ANKS1B: variants seen among roughly 807,000 people sequenced by gnomAD.
ANKS1B encodes the protein ankyrin repeat and sterile alpha motif domain-containing protein 1B.
ANKS1B carries 36 observed loss-of-function variants against 148.3 expected under a neutral mutation model. That is an observed-to-expected ratio of 0.24 (90% confidence interval 0.19 to 0.32). The LOEUF is 0.32. ANKS1B is among the 10% of genes least tolerant of loss of function. The pLI is 1.00. For missense variants in ANKS1B, 1,157 were observed against 1,542.6 expected, an observed-to-expected ratio of 0.75 and a Z score of 4.19; for synonymous variants, 542 against 560.8, an observed-to-expected ratio of 0.97 and a Z score of 0.47.
At chr12:99,388,541 A>T in intron 12 of ANKS1B, among the ~76,000 whole-genome samples, 1 of 152,222 alleles carries the variant, frequency 6.6e-6, no homozygotes, top group Non-Finnish European at 1.5e-5. Context: ...TCAGAGGAGC[A>T]TGGGATATGT....
intron 17 of ANKS1B, among the ~76,000 whole-genome samples, chr12:98,866,998 A>G (rs1255024773): frequency 6.6e-6 from 1 of 152,242 alleles, no homozygotes; most frequent in Non-Finnish European, 1.5e-5. Context: ...TGGTCAAATG[A>G]ATAAACAAAT....
chr12:98,769,165 C>CTTTTGTTTTTTTTTTTTTTTTTT (rs2098532493), intron 25 of ANKS1B, among the ~76,000 whole-genome samples: 1 of 41,216 alleles, frequency 2.4e-5, no homozygotes, highest in South Asian at 1.8e-3. Context: ...GTCTTCTTTA[C>CTTTTGTTTTTTTTTTTTTTTTTT]TTTTTTTTTT....
Position 99,820,384 on chromosome 12 carries a change from G to A in ANKS1B, c.215+4925C>T, listed in dbSNP as rs1040522454. On this transcript the variant is annotated intron_variant, in intron 2 of 26. Transcript: ENST00000683438. The stretch of plus-strand genomic sequence containing the variant: ...TGAAGGCTTTAGATTTTATGTTGGG[G>A]GTAGGGGGACAGTTTGTGTTCAAAG... Among the ~76,000 whole-genome samples, 3 of 151,866 alleles carry A rather than the reference G, an allele frequency of 2.0e-5. No individual in the cohort carries two copies. The East Asian group carries it at 5.8e-4, about 29-fold the overall frequency.
chr12:99,339,354 C>T (rs2089513711), intron 12 of ANKS1B, among the ~76,000 whole-genome samples: 1 of 152,172 alleles, frequency 6.6e-6, no homozygotes, highest in Non-Finnish European at 1.5e-5. Flanking sequence ...TCTTCCTCTC[C>T]CAAACACACA....
chr12:99,434,511 T>C (rs1294624769), intron 11 of ANKS1B, among the ~76,000 whole-genome samples: 2 of 152,124 alleles, frequency 1.3e-5, no homozygotes, highest in African/African-American at 4.8e-5. Flanking sequence ...ATTTCAATAA[T>C]GAACATCCTT....
chr12:99,722,953 G>A (rs1163109945), intron 8 of ANKS1B, among the ~76,000 whole-genome samples: 3 of 152,238 alleles, frequency 2.0e-5, no homozygotes, highest in Non-Finnish European at 4.4e-5. Context: ...CCCGCCAAGG[G>A]AGGTGATGAG....
rs150813653 is a variant in ANKS1B at position 98,862,995 on chromosome 12, G to A, written c.2779-30859C>T. Among the ~76,000 whole-genome samples, 891 of 152,258 alleles carry A rather than the reference G, an allele frequency of 5.9e-3. 5 individuals are homozygous for A. Among genetic ancestry groups the A allele is most frequent in the Middle Eastern group, 0.02 (6 of 294 alleles). On this transcript the variant is annotated intron_variant, in intron 17 of 26. Transcript: ENST00000683438. ...TGAAAACCAACAGATCATTCTACAT[G>A]TCTCCTGACACATTTACAACAGGCA... is the stretch of plus-strand genomic sequence containing the variant.
intron 14 of ANKS1B, among the ~76,000 whole-genome samples, chr12:99,200,422 T>C (rs1037211270): frequency 6.6e-6 from 1 of 152,220 alleles, no homozygotes; most frequent in Non-Finnish European, 1.5e-5. Flanking sequence ...GTCTTTAGCA[T>C]CCTGAAATTT....
chr12:98,771,674 T>C (rs972880223), intron 25 of ANKS1B, among the ~76,000 whole-genome samples: 1 of 152,132 alleles, frequency 6.6e-6, no homozygotes, highest in African/African-American at 2.4e-5. Context: ...AGATGGGGTT[T>C]CATCATGTTT....
In ANKS1B at chr12:99,829,569, T is replaced by A. The variant is rs1191039394; in HGVS notation, c.135-4180A>T. The stretch of plus-strand genomic sequence containing the variant: ...GGGAGGCTGAGGCAGGAGAATGGTG[T>A]GAACCTGGGAGGCGGAGCTTGCAGT... On this transcript the variant is annotated intron_variant, in intron 1 of 26. Transcript: ENST00000683438. Among the ~76,000 whole-genome samples the A allele has an allele frequency of 2.6e-5, 4 of 152,292 alleles. No homozygotes were observed. The East Asian group carries it at 7.7e-4, about 29-fold the overall frequency.
chr12:99,735,319 G>A (rs1020597243), intron 8 of ANKS1B, among the ~76,000 whole-genome samples: 2 of 151,898 alleles, frequency 1.3e-5, no homozygotes, highest in Non-Finnish European at 2.9e-5. Context: ...AAAGATCAAC[G>A]AAATGAAAAG....
intron 19 of ANKS1B, among the ~76,000 whole-genome samples, chr12:98,813,219 T>C (rs2099111902): frequency 6.6e-6 from 1 of 151,902 alleles, no homozygotes; most frequent in South Asian, 2.1e-4. Flanking sequence ...TTTTGTTTTT[T>C]TTTTTTTCTT....
At chr12:99,794,988 A>G (rs1350654715) in intron 4 of ANKS1B, among the ~76,000 whole-genome samples, 1 of 151,976 alleles carries the variant, frequency 6.6e-6, no homozygotes, top group East Asian at 1.9e-4. Flanking sequence ...TTTTACATTT[A>G]AAATTTTTTA....
intron 17 of ANKS1B, among the ~76,000 whole-genome samples, chr12:98,974,063 G>C (rs924611808): frequency 1.3e-5 from 2 of 152,178 alleles, no homozygotes; most frequent in African/African-American, 4.8e-5. Flanking sequence ...GTCAGAGTTA[G>C]AGAGCTTTTG....
chr12:99,795,552 GATAA>G (rs1166286906), intron 4 of ANKS1B, among the ~76,000 whole-genome samples: 4 of 151,920 alleles, frequency 2.6e-5, no homozygotes, highest in African/African-American at 9.7e-5. Context: ...AAGAAGTAAT[GATAA>G]ATAAAGAGAA....
intron 1 of ANKS1B, among the ~76,000 whole-genome samples, chr12:99,970,476 A>C (rs2095544597): frequency 6.6e-6 from 1 of 152,084 alleles, no homozygotes; most frequent in Non-Finnish European, 1.5e-5. Flanking sequence ...TCTTTTACTC[A>C]AAGTTTTAAA....
intron 25 of ANKS1B, among the ~76,000 whole-genome samples, chr12:98,770,078 G>C (rs573820053): frequency 1.3e-5 from 2 of 152,338 alleles, no homozygotes; most frequent in South Asian, 4.1e-4. Flanking sequence ...CAGGGAGAGG[G>C]AGGAGGTGAA....
At chr12:99,126,767 C>T (rs1261475907) in intron 15 of ANKS1B, among the ~76,000 whole-genome samples, 1 of 152,090 alleles carries the variant, frequency 6.6e-6, no homozygotes, top group Admixed American at 6.5e-5. Context: ...ATGATCTGTG[C>T]CTTGATTTCC....
At chr12:99,691,251 T>C (rs2098677798) in intron 8 of ANKS1B, among the ~76,000 whole-genome samples, 1 of 152,194 alleles carries the variant, frequency 6.6e-6, no homozygotes. Flanking sequence ...TGGGAGGGCC[T>C]TCTATGAACG....
Sources: allele counts gnomAD v4.1 joint callset (sites outside exome capture counted in the v4.1 genomes callset), GRCh38; gene constraint gnomAD v4.1.1; transcripts MANE v1.5; gene names NCBI Gene and HGNC (gene_info 2026-07-23, HGNC 2026-07-21).